CACNA1E: variants seen among roughly 807,000 people sequenced by gnomAD.
CACNA1E encodes voltage-dependent R-type calcium channel subunit alpha-1E.
In CACNA1E, 40 loss-of-function variants were observed where a neutral mutation model predicts 259.2. The observed-to-expected ratio is 0.15, with a 90% CI of 0.12 to 0.20. The LOEUF is 0.20. Among genes scored for constraint, CACNA1E ranks in the 10% least tolerant of loss-of-function variants. The probability of loss-of-function intolerance (pLI) is 1.00; values close to 1 mark genes in which losing one functional copy is unlikely to be tolerated. For synonymous variants in CACNA1E, 1,104 were observed against 1,138.5 expected, an observed-to-expected ratio of 0.97 and a Z score of 0.61; for missense variants, 1,874 against 3,040.1, an observed-to-expected ratio of 0.62 and a Z score of 9.02.
intron 3 of CACNA1E, among the ~76,000 whole-genome samples, chr1:181,546,096 A>G (rs1572165488): frequency 6.6e-6 from 1 of 152,062 alleles, no homozygotes; most frequent in Non-Finnish European, 1.5e-5. Context: ...AGTCTTGTAA[A>G]TGGAGTGTTC....
intron 20 of CACNA1E, 116 bp from the exon 21 acceptor site, chr1:181,733,321 G>C: frequency 1.1e-6 from 1 of 923,566 alleles, no homozygotes; most frequent in African/African-American, 1.7e-5. Flanking sequence ...GGAAGGCAGT[G>C]GTGGCCTTGT....
intron 2 of CACNA1E, among the ~76,000 whole-genome samples, chr1:181,466,535 G>A (rs936529058): frequency 7.3e-6 from 1 of 136,272 alleles, no homozygotes; most frequent in East Asian, 2.0e-4. Context: ...GTGAAAGAGC[G>A]AGACTCTGTC....
chr1:181,401,976 G>A (rs1449559660), intron 1 of CACNA1E, among the ~76,000 whole-genome samples: 1 of 152,176 alleles, frequency 6.6e-6, no homozygotes, highest in Non-Finnish European at 1.5e-5. Context: ...CTTGTGTTTG[G>A]TCTGAGAAGA....
chr1:181,512,649 T>C lies in CACNA1E; in HGVS notation c.512+1139T>C, dbSNP rs145249098. Among the ~76,000 whole-genome samples, 451 of 152,330 alleles carry C rather than the reference T, an allele frequency of 3.0e-3. 2 individuals are homozygous for C. Among genetic ancestry groups the C allele is most frequent in the African/African-American group, 0.01 (432 of 41,556 alleles). Reference sequence around the variant, plus strand: ...CTCTTATTTTTTAATCTTTACACCATTGGGATTACATGAAAGAGAAAACAC... The same window carrying C: ...CTCTTATTTTTTAATCTTTACACCACTGGGATTACATGAAAGAGAAAACAC... On this transcript the variant is annotated intron_variant, in intron 3 of 47. Coordinates refer to ENST00000367573, the MANE Select transcript of CACNA1E (RefSeq NM_001205293.3).
At chr1:181,713,286 G>A (rs1171545440) in intron 8 of CACNA1E, among the ~76,000 whole-genome samples, 1 of 152,170 alleles carries the variant, frequency 6.6e-6, no homozygotes, top group Non-Finnish European at 1.5e-5. Context: ...TGACTGTCTG[G>A]CTAAGATAAT....
chr1:181,776,564 T>C lies in CACNA1E; in HGVS notation c.5267+336T>C, dbSNP rs1267984070. On this transcript the variant is annotated intron_variant, in intron 38 of 47. Coordinates refer to ENST00000367573, the MANE Select transcript of CACNA1E (RefSeq NM_001205293.3). The surrounding 1 kb of genome is among the most constrained non-coding windows in gnomAD (Gnocchi z 4.4). ...ATGGTTAGTGGACTCCTTTGAGTTA[T>C]CAGGGGGTTTGACAAGGGTTTTTGG... 6.6e-6 allele frequency among the ~76,000 whole-genome samples: 1 copy of C among 152,258 alleles called. No homozygotes were observed. The highest frequency in any genetic ancestry group is 2.4e-5 in the African/African-American group (1 of 41,470).
At chr1:181,387,439 C>A (rs1424200764) in intron 1 of CACNA1E, among the ~76,000 whole-genome samples, 1 of 152,200 alleles carries the variant, frequency 6.6e-6, no homozygotes, top group Admixed American at 6.5e-5. Context: ...AAGGAAATGT[C>A]CTCATAGTAA....
intron 25 of CACNA1E, among the ~76,000 whole-genome samples, chr1:181,739,804 C>A (rs1656392829): frequency 6.6e-6 from 1 of 152,134 alleles, no homozygotes; most frequent in South Asian, 2.1e-4. Flanking sequence ...AAAGGCTTTC[C>A]AAACTTTCCT....
intron 7 of CACNA1E, among the ~76,000 whole-genome samples, chr1:181,666,371 C>T (rs1037562708): frequency 6.6e-6 from 1 of 152,008 alleles, no homozygotes. Context: ...AAATCCCTGC[C>T]CTCATAAAAG....
At position 181,718,203 on chromosome 1, in the gene CACNA1E, G is replaced by C. The variant is rs571115542; in HGVS notation, c.1638+36G>C. On this transcript the variant is annotated intron_variant, in intron 12 of 47. Coordinates refer to ENST00000367573, the MANE Select transcript of CACNA1E (RefSeq NM_001205293.3). ...GGAAGCCTGCCTCTGCTCCTGCTTC[G>C]TGTTGATATGCCCTGGTTTTAGATA... The C allele has an allele frequency of 5.7e-5, 59 of 1,029,136 alleles. No homozygotes were observed. The South Asian group carries it at 6.9e-4, about 12-fold the overall frequency. The allele number at this position is 1,029,136 out of a possible 1,614,324, so 63.8% of individuals were successfully genotyped here.
At chr1:181,464,480 A>G (rs1019056710) in intron 2 of CACNA1E, among the ~76,000 whole-genome samples, 1 of 151,574 alleles carries the variant, frequency 6.6e-6, no homozygotes, top group Non-Finnish European at 1.5e-5. Flanking sequence ...TTGCTTTTGC[A>G]TGGTGTCTTC....
intron 32 of CACNA1E, among the ~76,000 whole-genome samples, chr1:181,761,320 C>T (rs1386311674): frequency 6.6e-6 from 1 of 152,212 alleles, no homozygotes; most frequent in Admixed American, 6.5e-5. Flanking sequence ...CCCCCAACTC[C>T]TCTTGCCAAC....
At chr1:181,550,315 G>A (rs1392667503) in intron 3 of CACNA1E, among the ~76,000 whole-genome samples, 5 of 152,120 alleles carry the variant, frequency 3.3e-5, no homozygotes, top group East Asian at 3.9e-4. Flanking sequence ...TGGCTTTGGC[G>A]GTTGGGTGTG....
chr1:181,583,967 G>A (rs1410624706), intron 6 of CACNA1E, among the ~76,000 whole-genome samples: 1 of 152,126 alleles, frequency 6.6e-6, no homozygotes, highest in African/African-American at 2.4e-5. Flanking sequence ...ACAGTACAAT[G>A]TGTTCTCCTT....
At chr1:181,731,489 G>T (rs1376909295) in intron 19 of CACNA1E, among the ~76,000 whole-genome samples, 1 of 152,192 alleles carries the variant, frequency 6.6e-6, no homozygotes, top group Non-Finnish European at 1.5e-5. Flanking sequence ...GGTATATGTT[G>T]TGTTAGTGTT....
At chr1:181,478,109 A>T (rs1170914453) in intron 2 of CACNA1E, among the ~76,000 whole-genome samples, 1 of 152,244 alleles carries the variant, frequency 6.6e-6, no homozygotes, top group Non-Finnish European at 1.5e-5. Context: ...GTGCACTTGG[A>T]CAAGTCCCTG....
At chr1:181,745,335 T>A (rs377214671) in intron 25 of CACNA1E, 20 of 497,550 alleles carry the variant, frequency 4.0e-5, no homozygotes, top group African/African-American at 3.8e-4. Context: ...CAAGTATTTT[T>A]TTTTTTTTTA....
intron 6 of CACNA1E, among the ~76,000 whole-genome samples, chr1:181,614,346 A>T (rs1253858056): frequency 2.0e-5 from 3 of 152,076 alleles, no homozygotes; most frequent in Non-Finnish European, 2.9e-5. Flanking sequence ...ACCTTTCTCT[A>T]CTTCTTGGGA....
rs186015830 is a variant in CACNA1E at position 181,801,522 on chromosome 1, C to A, written c.*2688C>A. ...AGAAATTGGGTTTCTTTTCCCTCAG[C>A]CTGCACTTACTCTTCTATTAAGACC... On this transcript the variant is annotated 3_prime_UTR_variant, in exon 48 of 48. Coordinates refer to ENST00000367573, the MANE Select transcript of CACNA1E (RefSeq NM_001205293.3). The A allele has an allele frequency of 6.6e-6, 1 of 152,286 alleles. No individual in the cohort carries two copies. Among genetic ancestry groups the A allele is most frequent in the African/African-American group, 2.4e-5 (1 of 41,554 alleles). The allele number at this position is 152,286 out of a possible 1,614,324, so 9.4% of individuals were successfully genotyped here.
Sources: gnomAD v4.1 joint callset for allele counts (sites outside exome capture counted in the v4.1 genomes callset) on GRCh38, gnomAD v4.1.1 for gene constraint, Gnocchi (gnomAD v3.1) non-coding constraint, MANE v1.5 for transcripts, NCBI Gene and HGNC (gene_info 2026-07-23, HGNC 2026-07-21) for gene names.